The following PDE7B variants were observed in gnomAD, a reference collection of about 807,000 sequenced individuals.
The protein encoded by PDE7B is 3',5'-cyclic-AMP phosphodiesterase 7B.
Under a neutral mutation model 56.2 loss-of-function variants are expected in PDE7B, and 29 were observed. The observed-to-expected ratio is 0.52, with a 90% CI of 0.38 to 0.70. The LOEUF is 0.70. Ranked by LOEUF, PDE7B falls within the 30% of genes least tolerant of loss-of-function variation. PDE7B has a pLI of 0.00. For missense variants in PDE7B, 490 were observed against 565.0 expected (o/e 0.87, Z 1.35); for synonymous variants, 197 against 196.9 (o/e 1.00, Z 0.00).
At chr6:136,123,718 TTCAGAG>T (rs1777976779) in intron 3 of PDE7B, among the ~76,000 whole-genome samples, 1 of 152,360 alleles carries the variant, frequency 6.6e-6, no homozygotes, top group South Asian at 2.1e-4. Context: ...CTTAGAATGT[TTCAGAG>T]TCAATTAATT....
chr6:136,041,900 G>A (rs561852218), intron 2 of PDE7B, among the ~76,000 whole-genome samples: 5 of 152,236 alleles, frequency 3.3e-5, no homozygotes, highest in East Asian at 3.9e-4. Flanking sequence ...CCAGCATTTC[G>A]ATTGCCCAAC....
chr6:136,191,580 G>A (rs1232150719), intron 12 of PDE7B, 34 bp from the exon 13 acceptor site: 3 of 1,571,650 alleles, frequency 1.9e-6, no homozygotes, highest in Non-Finnish European at 2.6e-6. Context: ...GTTTCACCAC[G>A]CTGTGATGCT....
At position 136,161,290 on chromosome 6, in the gene PDE7B, G is replaced by A. The variant is rs576946187; in HGVS notation, c.711+5532G>A. On this transcript the variant is annotated intron_variant, in intron 8 of 12. Coordinates refer to ENST00000308191, the MANE Select transcript of PDE7B (RefSeq NM_018945.4). ...TCCCTTATCACAGTATGTGTCACTC[G>A]AATCGCTATTGCCTGATTAGATGTC... 5.3e-5 allele frequency among the ~76,000 whole-genome samples: 8 copies of A among 152,118 alleles called. No homozygotes were observed. In the South Asian group the frequency reaches 8.3e-4, roughly 16 times the overall value.
chr6:135,869,363 A>G (rs955184716), intron 1 of PDE7B, among the ~76,000 whole-genome samples: 13 of 152,144 alleles, frequency 8.5e-5, no homozygotes, highest in Admixed American at 3.3e-4. Context: ...AAATCTCTCA[A>G]ATAATCTCAG....
At chr6:136,122,385 T>A (rs1777952092) in intron 3 of PDE7B, among the ~76,000 whole-genome samples, 1 of 152,228 alleles carries the variant, frequency 6.6e-6, no homozygotes, top group Non-Finnish European at 1.5e-5. Context: ...ATATAGCAAG[T>A]GGTTGCTCCT....
At chr6:135,873,713 TATA>T (rs1245433935) in intron 1 of PDE7B, among the ~76,000 whole-genome samples, 1 of 152,150 alleles carries the variant, frequency 6.6e-6, no homozygotes, top group Non-Finnish European at 1.5e-5. Flanking sequence ...ATTTTTAACT[TATA>T]ATCAATATAA....
intron 8 of PDE7B, among the ~76,000 whole-genome samples, chr6:136,172,830 A>C (rs1377023688): frequency 6.6e-6 from 1 of 152,136 alleles, no homozygotes; most frequent in Non-Finnish European, 1.5e-5. Flanking sequence ...AAGGAAGGGA[A>C]AAATCACAAG....
intron 1 of PDE7B, among the ~76,000 whole-genome samples, chr6:135,917,687 C>A (rs1050947959): frequency 6.6e-6 from 1 of 151,902 alleles, no homozygotes; most frequent in Non-Finnish European, 1.5e-5. Context: ...TGCTGGATAC[C>A]GTGAATCCTA....
intron 1 of PDE7B, among the ~76,000 whole-genome samples, chr6:135,904,906 T>C (rs899888303): frequency 6.6e-6 from 1 of 152,230 alleles, no homozygotes; most frequent in African/African-American, 2.4e-5. Context: ...TTTGTAAAGC[T>C]GGGTGACAGA....
At chr6:136,068,145 C>A (rs889217867) in intron 2 of PDE7B, among the ~76,000 whole-genome samples, 1 of 152,170 alleles carries the variant, frequency 6.6e-6, no homozygotes, top group Admixed American at 6.5e-5. Context: ...GACACAGGCC[C>A]AGGAGGGCCT....
intron 2 of PDE7B, among the ~76,000 whole-genome samples, chr6:136,033,566 T>G (rs929325291): frequency 3.9e-5 from 6 of 152,080 alleles, no homozygotes; most frequent in Non-Finnish European, 5.9e-5. Flanking sequence ...TTGGGTATGG[T>G]TTAGACACTC....
intron 1 of PDE7B, among the ~76,000 whole-genome samples, chr6:135,875,633 C>T (rs1287358195): frequency 1.3e-5 from 2 of 152,170 alleles, no homozygotes; most frequent in African/African-American, 4.8e-5. Context: ...CAATATTGCT[C>T]AACATTCCTT....
At chr6:135,909,344 A>G (rs1221573250) in intron 1 of PDE7B, among the ~76,000 whole-genome samples, 1 of 152,056 alleles carries the variant, frequency 6.6e-6, no homozygotes, top group Non-Finnish European at 1.5e-5. Context: ...ATTAATAGTT[A>G]TATATTCTTC....
At chr6:136,124,646 C>G (rs1036871276) in intron 3 of PDE7B, among the ~76,000 whole-genome samples, 9 of 152,108 alleles carry the variant, frequency 5.9e-5, no homozygotes, top group Admixed American at 4.6e-4. Flanking sequence ...AATATAAGTT[C>G]CACAAGGAAA....
At chr6:136,006,990 T>G (rs919684246) in intron 2 of PDE7B, among the ~76,000 whole-genome samples, 3 of 152,188 alleles carry the variant, frequency 2.0e-5, no homozygotes, top group Non-Finnish European at 4.4e-5. Context: ...TTCTGTCAGT[T>G]TTCAAGAGGA....
At chr6:136,127,811 T>G (rs1038867308) in intron 3 of PDE7B, among the ~76,000 whole-genome samples, 6 of 152,226 alleles carry the variant, frequency 3.9e-5, no homozygotes, top group African/African-American at 1.4e-4. Flanking sequence ...GACCAAGTCA[T>G]GCTGAGAAAT....
Position 135,916,392 on chromosome 6 carries a change from C to CTTTTTTTTTTTT in PDE7B, c.22-31065_22-31054dup, listed in dbSNP as rs566408380. 5.0e-4 allele frequency among the ~76,000 whole-genome samples: 48 copies of CTTTTTTTTTTTT among 96,322 alleles called. 1 individual carries two copies. Among genetic ancestry groups the CTTTTTTTTTTTT allele is most frequent in the East Asian group, 1.5e-3 (4 of 2,618 alleles). 63.2% of individuals were successfully genotyped at this position (96,322 alleles called of 152,430 possible). On this transcript the variant is annotated intron_variant, in intron 1 of 12. Transcript: ENST00000308191. ...TTTTTTCTTTTCTTTTCTTTTCTTT[C>CTTTTTTTTTTTT]TTTTTTTTTTTTTTTTTTGAGATGG... is the stretch of plus-strand genomic sequence containing the variant.
intron 12 of PDE7B, 72 bp from the exon 13 acceptor site, chr6:136,191,542 G>C (rs973927802): frequency 1.5e-6 from 2 of 1,293,134 alleles, no homozygotes; most frequent in South Asian, 2.5e-5. Context: ...TGGGTCCCCA[G>C]TCATGCTCGG....
At chr6:136,116,485 T>G (rs1777833262) in intron 3 of PDE7B, among the ~76,000 whole-genome samples, 1 of 152,212 alleles carries the variant, frequency 6.6e-6, no homozygotes, top group Admixed American at 6.5e-5. Flanking sequence ...GGCTGCAGAC[T>G]GTGATGGCTG....
Sources: allele counts gnomAD v4.1 joint callset (sites outside exome capture counted in the v4.1 genomes callset), GRCh38; gene constraint gnomAD v4.1.1; transcripts MANE v1.5; gene names NCBI Gene and HGNC (gene_info 2026-07-23, HGNC 2026-07-21).